Variants in SORT1 observed in about 807,000 individuals in gnomAD.
SORT1 encodes the protein sortilin.
In SORT1, 39 loss-of-function variants were observed where a neutral mutation model predicts 101.7. That is an observed-to-expected ratio of 0.38 (90% CI 0.30 to 0.50). The LOEUF (loss-of-function observed/expected upper bound fraction) is 0.50, where lower values mean the gene tolerates loss of function less well. SORT1 is among the 20% of genes least tolerant of loss of function. SORT1 has a pLI of 0.90. For missense variants in SORT1, 878 were observed against 1,040.4 expected, an observed-to-expected ratio of 0.84 and a Z score of 2.15; for synonymous variants, 396 against 393.7, an observed-to-expected ratio of 1.01 and a Z score of -0.07.
At position 109,310,816 on chromosome 1, in the gene SORT1, C is replaced by G. The variant is rs1305417379; in HGVS notation, c.*3227G>C. ...GTGGGTATGGATGGCCCTGGGCTCCCCTCCGTATCCTGGTATCGTGACGAA... is the reference window on the plus strand; with the variant it reads ...GTGGGTATGGATGGCCCTGGGCTCCGCTCCGTATCCTGGTATCGTGACGAA... On this transcript the variant is annotated 3_prime_UTR_variant, in exon 20 of 20. Transcript: ENST00000256637. 1 of 152,244 alleles carries G rather than the reference C, an allele frequency of 6.6e-6. No homozygotes were observed. Among genetic ancestry groups the G allele is most frequent in the Non-Finnish European group, 1.5e-5 (1 of 68,060 alleles). 9.4% of individuals were successfully genotyped at this position (152,244 alleles called of 1,614,324 possible). A position where few individuals can be genotyped will look rare whatever the true frequency, so the allele number is the denominator to read the frequency against.
At chr1:109,336,100 T>G in intron 11 of SORT1, 140 bp downstream of exon 11, 2 of 598,912 alleles carry the variant, frequency 3.3e-6, no homozygotes, top group Non-Finnish European at 6.0e-6. Flanking sequence ...CTAAGTTAAT[T>G]TCATTACTCT....
In SORT1 at chr1:109,327,008, G is replaced by T; in HGVS notation, c.1627C>A (p.Pro543Thr). 6.2e-7 allele frequency: 1 copy of T among 1,611,786 alleles called. No homozygotes were observed. Among genetic ancestry groups the T allele is most frequent in the Non-Finnish European group, 8.5e-7 (1 of 1,179,648 alleles). ...CATGCATACTTAATCACATTGATAG[G>T]ACGGCTGCTGTGCTCAATGGCCACA... ...IIVAIEHSSR[P>T]INVIKFSTDE... is the part of the protein sequence containing the mutation. Residue 543 changes from proline to threonine, a missense_variant, in exon 13 of 20, where the codon CCT (proline) becomes ACT (threonine). Pro to Thr is a conservative substitution (Grantham distance 38). Transcript: ENST00000256637.
chr1:109,355,514 G>C (rs1650247531), intron 3 of SORT1, 45 bp from the exon 4 acceptor site: 1 of 850,758 alleles, frequency 1.2e-6, no homozygotes, highest in African/African-American at 1.7e-5. Flanking sequence ...CAGTGGTCAT[G>C]GATATTACTG....
intron 4 of SORT1, among the ~76,000 whole-genome samples, chr1:109,354,760 T>G (rs567506937): frequency 6.6e-6 from 1 of 152,306 alleles, no homozygotes. Flanking sequence ...AAGCCTAGAT[T>G]AGGCTAACTG....
chr1:109,314,220 TGGGG>T, intron 19 of SORT1, 37 bp downstream of exon 19: 3 of 1,313,996 alleles, frequency 2.3e-6, no homozygotes, highest in Non-Finnish European at 3.2e-6. Context: ...TTGTATTTTT[TGGGG>T]GGGGGGGTAC....
chr1:109,345,811 C>T lies in SORT1; in HGVS notation c.903G>A (p.Val301=), dbSNP rs763349662. 1 of 1,613,786 alleles carries T rather than the reference C, an allele frequency of 6.2e-7. No individual in the cohort carries two copies. The highest frequency in any genetic ancestry group is 1.7e-5 in the Admixed American group (1 of 60,010). The change falls in exon 8 of 20, where the codon GTG becomes GTA. Residue 301 remains valine (V), a synonymous_variant. Coordinates refer to ENST00000256637, the MANE Select transcript of SORT1 (RefSeq NM_002959.7). The part of the protein sequence containing the change: ...DLGKSFKTIG[V]KIYSFGLGGR... The stretch of plus-strand genomic sequence containing the variant: ...CCCCAAGACCAAATGAGTAGATTTT[C>T]ACACCAATAGTTTTGAAGCTTTTTC...
At chr1:109,324,165 G>T (rs549231808) in intron 14 of SORT1, among the ~76,000 whole-genome samples, 4 of 151,022 alleles carry the variant, frequency 2.6e-5, no homozygotes, top group Admixed American at 6.6e-5. Flanking sequence ...TCTTGCTCTT[G>T]TCGCCCAGGC....
intron 11 of SORT1, among the ~76,000 whole-genome samples, chr1:109,331,752 T>C (rs1047346861): frequency 6.6e-6 from 1 of 152,096 alleles, no homozygotes; most frequent in Non-Finnish European, 1.5e-5. Flanking sequence ...ATTGTCTGTC[T>C]GCAGGTGACA....
chr1:109,314,850 T>C, intron 17 of SORT1, 72 bp from the exon 18 acceptor site: 1 of 750,680 alleles, frequency 1.3e-6, no homozygotes, highest in Non-Finnish European at 2.4e-6. Flanking sequence ...AGGCAGCCAC[T>C]CATTCCCCTC....
At chr1:109,359,311 G>A (rs143856957) in intron 3 of SORT1, among the ~76,000 whole-genome samples, 2 of 151,978 alleles carry the variant, frequency 1.3e-5, no homozygotes, top group Non-Finnish European at 1.5e-5. Flanking sequence ...CTTACCGAAG[G>A]TCCCACCTCC....
At chr1:109,343,345 C>T (rs577901571) in intron 8 of SORT1, among the ~76,000 whole-genome samples, 1 of 152,262 alleles carries the variant, frequency 6.6e-6, no homozygotes, top group South Asian at 2.1e-4. Flanking sequence ...ACCTCCACGT[C>T]GCCAACTCCA....
chr1:109,374,608 G>T (rs1175542097), intron 1 of SORT1, among the ~76,000 whole-genome samples: 1 of 151,374 alleles, frequency 6.6e-6, no homozygotes, highest in Non-Finnish European at 1.5e-5. Flanking sequence ...AAGAAAGAAA[G>T]AAAAGAAAAA....
intron 10 of SORT1, among the ~76,000 whole-genome samples, chr1:109,336,581 G>A (rs1227551809): frequency 6.6e-6 from 1 of 152,204 alleles, no homozygotes; most frequent in African/African-American, 2.4e-5. Context: ...GCCAAGGCAG[G>A]TGGATCACCT....
rs750562868 is a variant in SORT1, at chr1:109,327,566, G to A, written c.1407C>T (p.Ser469=). Residue 469 remains serine (S), a synonymous_variant, in exon 12 of 20, where the codon TCC becomes TCT. Transcript: ENST00000256637. ...SLHIHASYSI[S]QKLNVPMAPL... ...GGGCCATTGGAACATTCAGTTTCTGGGAGATGCTGTAGGAAGCATGAATAT... is the reference window on the plus strand; with the variant it reads ...GGGCCATTGGAACATTCAGTTTCTGAGAGATGCTGTAGGAAGCATGAATAT... The A allele has an allele frequency of 5.0e-6, 8 of 1,611,046 alleles. No homozygotes were observed. Among genetic ancestry groups the A allele is most frequent in the Admixed American group, 1.7e-5 (1 of 59,100 alleles).
intron 11 of SORT1, among the ~76,000 whole-genome samples, chr1:109,335,512 A>C (rs1213142215): frequency 6.6e-6 from 1 of 152,104 alleles, no homozygotes; most frequent in African/African-American, 2.4e-5. Context: ...ACAAAACAGA[A>C]AACCCCACCT....
At chr1:109,368,332 A>T (rs1651239772) in intron 2 of SORT1, 1 of 151,926 alleles carries the variant, frequency 6.6e-6, no homozygotes, top group South Asian at 2.1e-4. Context: ...GGAGATACCA[A>T]CTATCTAAGA....
At chr1:109,363,581 CCTCT>C (rs1208076712) in intron 3 of SORT1, among the ~76,000 whole-genome samples, 1 of 152,108 alleles carries the variant, frequency 6.6e-6, no homozygotes, top group Non-Finnish European at 1.5e-5. Flanking sequence ...AAGTATACTC[CCTCT>C]AATTCTGTAT....
chr1:109,362,577 T>C (rs781188631), intron 3 of SORT1, among the ~76,000 whole-genome samples: 8 of 152,182 alleles, frequency 5.3e-5, no homozygotes, highest in Non-Finnish European at 1.0e-4. Context: ...TTTATCATTA[T>C]TGGGAAAGGA....
At chr1:109,376,382 C>T (rs952494714) in intron 1 of SORT1, among the ~76,000 whole-genome samples, 14 of 149,620 alleles carry the variant, frequency 9.4e-5, no homozygotes, top group Non-Finnish European at 1.8e-4. Flanking sequence ...TCTGACCCAG[C>T]AATCCTGTTA....
Sources: allele counts gnomAD v4.1 joint callset (sites outside exome capture counted in the v4.1 genomes callset), GRCh38; gene constraint gnomAD v4.1.1; transcripts MANE v1.5; gene names NCBI Gene and HGNC (gene_info 2026-07-23, HGNC 2026-07-21).